Variants in CTNNA3 observed in about 807,000 individuals in gnomAD.
CTNNA3 encodes catenin alpha-3.
CTNNA3 carries 76 observed loss-of-function variants against 95.7 expected under a neutral mutation model. The observed-to-expected ratio is 0.79, with a 90% CI of 0.66 to 0.96. CTNNA3 has a LOEUF of 0.96. CTNNA3 is among the 40% of genes least tolerant of loss of function. CTNNA3 has a pLI of 0.00. For synonymous variants in CTNNA3, 431 were observed against 374.4 expected, an observed-to-expected ratio of 1.15 and a Z score of -1.74; for missense variants, 1,191 against 1,089.8, an observed-to-expected ratio of 1.09 and a Z score of -1.31.
At chr10:66,132,597 G>T (rs1488376580) in intron 13 of CTNNA3, among the ~76,000 whole-genome samples, 1 of 152,126 alleles carries the variant, frequency 6.6e-6, no homozygotes, top group East Asian at 1.9e-4. Flanking sequence ...GCATATGCAT[G>T]CATATGTTTA....
chr10:65,950,631 G>T (rs945610954), intron 17 of CTNNA3, among the ~76,000 whole-genome samples: 4 of 152,080 alleles, frequency 2.6e-5, no homozygotes, highest in African/African-American at 9.7e-5. Flanking sequence ...TAGCACACAA[G>T]AGAAATAATT....
intron 5 of CTNNA3, among the ~76,000 whole-genome samples, chr10:67,490,654 T>C (rs1414703018): frequency 6.6e-6 from 1 of 152,074 alleles, no homozygotes; most frequent in African/African-American, 2.4e-5. Context: ...AAATTTAAAA[T>C]TGATCTAAAA....
At chr10:66,455,863 C>A (rs66934776) in intron 11 of CTNNA3, among the ~76,000 whole-genome samples, 17,345 of 152,162 alleles carry the variant, frequency 0.11, 1,396 homozygotes, top group African/African-American at 0.23. Flanking sequence ...ACCTGCCCTG[C>A]ATCAACAGGA....
At chr10:66,205,973 A>G (rs1231316824) in intron 13 of CTNNA3, among the ~76,000 whole-genome samples, 3 of 151,974 alleles carry the variant, frequency 2.0e-5, no homozygotes, top group Admixed American at 6.6e-5. Flanking sequence ...CATTATGTCA[A>G]TTTAAACCTT....
chr10:66,573,833 T>C (rs1000217933), intron 10 of CTNNA3, among the ~76,000 whole-genome samples: 8 of 152,128 alleles, frequency 5.3e-5, no homozygotes, highest in African/African-American at 1.9e-4. Context: ...TTCATGTTAC[T>C]TTTTTTAAGC....
intron 1 of CTNNA3, among the ~76,000 whole-genome samples, chr10:67,742,862 T>C (rs915873532): frequency 6.6e-6 from 1 of 151,246 alleles, no homozygotes; most frequent in Admixed American, 6.6e-5. Context: ...CATCAGAGAA[T>C]ACTATAAACA....
chr10:67,759,931 C>G (rs1841453998), intron 1 of CTNNA3, among the ~76,000 whole-genome samples: 1 of 152,158 alleles, frequency 6.6e-6, no homozygotes, highest in African/African-American at 2.4e-5. Context: ...ACCTTGAGAC[C>G]TGATGAGACC....
chr10:67,718,292 T>A (rs1045021768), intron 1 of CTNNA3, among the ~76,000 whole-genome samples: 2 of 152,190 alleles, frequency 1.3e-5, no homozygotes, highest in Non-Finnish European at 2.9e-5. Flanking sequence ...CTTTTCCTAT[T>A]TGAATACAAT....
At chr10:67,718,985 G>A (rs564673103) in intron 1 of CTNNA3, among the ~76,000 whole-genome samples, 3 of 152,252 alleles carry the variant, frequency 2.0e-5, no homozygotes, top group Non-Finnish European at 2.9e-5. Flanking sequence ...TTCAGAACTT[G>A]TTATTGGTCT....
intron 7 of CTNNA3, among the ~76,000 whole-genome samples, chr10:67,092,643 A>G (rs1369811232): frequency 1.3e-5 from 2 of 152,002 alleles, no homozygotes; most frequent in African/African-American, 2.4e-5. Flanking sequence ...ACTTTAAAAA[A>G]CTATTCTTAT....
At chr10:67,309,764 T>C (rs561148770) in intron 5 of CTNNA3, among the ~76,000 whole-genome samples, 2 of 152,152 alleles carry the variant, frequency 1.3e-5, no homozygotes, top group Admixed American at 6.5e-5. Context: ...ATTTCAGAAA[T>C]CCCAAATAGA....
chr10:67,534,835 G>T (rs966274804), intron 4 of CTNNA3, among the ~76,000 whole-genome samples: 2 of 152,126 alleles, frequency 1.3e-5, no homozygotes, highest in South Asian at 2.1e-4. Context: ...CAAGGAATTT[G>T]CAGAAATTTG....
chr10:66,174,736 G>A (rs1056935068), intron 13 of CTNNA3, among the ~76,000 whole-genome samples: 2 of 151,966 alleles, frequency 1.3e-5, no homozygotes, highest in Admixed American at 1.3e-4. Context: ...GGTAAACATG[G>A]GGGTCCTGGA....
intron 7 of CTNNA3, among the ~76,000 whole-genome samples, chr10:67,091,768 A>G (rs1857658454): frequency 1.3e-5 from 2 of 152,058 alleles, no homozygotes; most frequent in African/African-American, 4.8e-5. Context: ...AACAAGAGAC[A>G]GGGAGTCAAA....
At position 67,607,000 on chromosome 10, in the gene CTNNA3, C is replaced by T; in HGVS notation, c.149G>A (p.Gly50Glu). 6.2e-7 allele frequency: 1 copy of T among 1,614,078 alleles called. No homozygotes were observed. The highest frequency in any genetic ancestry group is 8.5e-7 in the Non-Finnish European group (1 of 1,180,000). The change falls in exon 3 of 18, where the codon GGA becomes GAA. Residue 50 changes from glycine (G) to glutamate (E), a missense_variant. By Grantham distance (98) the Gly-to-Glu change is moderately conservative. Coordinates refer to ENST00000433211, the MANE Select transcript of CTNNA3 (RefSeq NM_013266.4). The stretch of plus-strand genomic sequence containing the variant: ...AAGGACACTGGCTCTTTTCGAACGT[C>T]CTTTTTTCCTGCTGGAAGGGTTCTG... ...CPQNPSSRKK[G>E]RSKRASVLLA... is the part of the protein sequence containing the mutation.
At chr10:67,038,355 A>G (rs1854192892) in intron 7 of CTNNA3, among the ~76,000 whole-genome samples, 1 of 152,200 alleles carries the variant, frequency 6.6e-6, no homozygotes, top group East Asian at 1.9e-4. Context: ...TTAAGTCACT[A>G]TATGTCAATT....
At chr10:66,539,663 G>A (rs1339802455) in intron 10 of CTNNA3, among the ~76,000 whole-genome samples, 1 of 152,078 alleles carries the variant, frequency 6.6e-6, no homozygotes, top group Non-Finnish European at 1.5e-5. Context: ...AAAGAATAAT[G>A]TTAGTGACAG....
At chr10:67,749,795 C>T (rs1175144214) in intron 1 of CTNNA3, among the ~76,000 whole-genome samples, 1 of 151,982 alleles carries the variant, frequency 6.6e-6, no homozygotes, top group Non-Finnish European at 1.5e-5. Context: ...TAGCAAAAGA[C>T]AAGAAATAAC....
chr10:66,603,320 A>G (rs1376418485), intron 10 of CTNNA3, among the ~76,000 whole-genome samples: 1 of 152,166 alleles, frequency 6.6e-6, no homozygotes, highest in Non-Finnish European at 1.5e-5. Flanking sequence ...ATAAAAAACA[A>G]GAAAGCAGTA....
Sources: gnomAD v4.1 joint callset for allele counts (sites outside exome capture counted in the v4.1 genomes callset) on GRCh38, gnomAD v4.1.1 for gene constraint, MANE v1.5 for transcripts, NCBI Gene and HGNC (gene_info 2026-07-23, HGNC 2026-07-21) for gene names.